The following TNS1 variants were observed in gnomAD, a reference collection of about 807,000 sequenced individuals.
TNS1 encodes tensin 1.
A neutral mutation model predicts 168.6 loss-of-function variants in TNS1; 62 were observed. The ratio of observed to expected loss-of-function variants is 0.37; its 90% CI spans 0.30 to 0.45. The LOEUF (loss-of-function observed/expected upper bound fraction) is 0.45. Among genes scored for constraint, TNS1 ranks in the 20% least tolerant of loss-of-function variants. The pLI is 1.00. For missense variants in TNS1, 2,240 were observed against 2,339.4 expected, an observed-to-expected ratio of 0.96 and a Z score of 0.88; for synonymous variants, 934 against 933.2, an observed-to-expected ratio of 1.00 and a Z score of -0.02.
At chr2:217,998,739 A>G (rs1369887317) in intron 1 of TNS1, among the ~76,000 whole-genome samples, 1 of 152,114 alleles carries the variant, frequency 6.6e-6, no homozygotes, top group Non-Finnish European at 1.5e-5. Context: ...GGCTCAGGAA[A>G]TCCTCCCTCC....
intron 18 of TNS1, among the ~76,000 whole-genome samples, chr2:217,869,484 G>A (rs547377188): frequency 6.6e-6 from 1 of 152,300 alleles, no homozygotes; most frequent in East Asian, 1.9e-4. Flanking sequence ...GGAGCCTGAA[G>A]GCAAGAAGGC....
chr2:217,804,824 G>C (rs540170038), intron 32 of TNS1, among the ~76,000 whole-genome samples: 37 of 152,250 alleles, frequency 2.4e-4, no homozygotes, highest in African/African-American at 8.4e-4. Context: ...CTTGTTTAAG[G>C]GTGGGCAGAA....
intron 3 of TNS1, among the ~76,000 whole-genome samples, chr2:217,923,696 T>C (rs1955856649): frequency 6.6e-6 from 1 of 152,258 alleles, no homozygotes; most frequent in African/African-American, 2.4e-5. Flanking sequence ...GCTTAGTTAC[T>C]GTACCAAGCC....
intron 6 of TNS1, 67 bp downstream of exon 6, chr2:217,906,268 C>T: frequency 1.5e-6 from 1 of 651,602 alleles, no homozygotes. Context: ...ATCCACCTCC[C>T]ACCCCACCCC....
chr2:218,002,785 G>A, intron 1 of TNS1, 55 bp downstream of exon 1: 1 of 456,378 alleles, frequency 2.2e-6, no homozygotes. Flanking sequence ...AGGGGCCGGT[G>A]GGGGGCGGGG....
intron 3 of TNS1, among the ~76,000 whole-genome samples, chr2:217,976,562 T>A (rs148219774): frequency 1.2e-3 from 179 of 152,330 alleles, no homozygotes; most frequent in African/African-American, 3.9e-3. Context: ...CCCCACTTAG[T>A]TGGCCTCCTT....
Position 217,893,007 on chromosome 2 carries a change from G to A in TNS1, c.723C>T (p.Asn241=), listed in dbSNP as rs755932586. 29 of 1,614,062 alleles carry A rather than the reference G, an allele frequency of 1.8e-5. No individual in the cohort carries two copies. The highest frequency in any genetic ancestry group is 2.4e-5 in the Non-Finnish European group (28 of 1,180,022). ...HNVVVLHNKG[N]RGRIGVVIAA... is the part of the protein sequence containing the mutation. ...CGATGACAACTCCTATCCTGCCTCG[G>A]TTTCCCTGAAAGAGCCCCAAACACA... Residue 241 remains asparagine, a synonymous_variant, in exon 11 of 33, where the codon AAC becomes AAT. Transcript: ENST00000682258.
intron 19 of TNS1, among the ~76,000 whole-genome samples, chr2:217,838,082 G>C (rs531723418): frequency 6.6e-6 from 1 of 152,364 alleles, no homozygotes; most frequent in South Asian, 2.1e-4. Context: ...CGCTCTTGGG[G>C]TTTGGAACTC....
In TNS1 at chr2:217,848,807, A is replaced by T. The variant is rs1362898445; in HGVS notation, c.1710T>A (p.Ser570Arg). The change falls in exon 19 of 33, where the codon AGT becomes AGA. Residue 570 changes from serine to arginine, a missense_variant. Coordinates refer to ENST00000682258, the MANE Select transcript of TNS1 (RefSeq NM_001387777.1). ...QEKRELDRLLSGFGLEREKQG... is the reference protein window; with the variant it reads ...QEKRELDRLLRGFGLEREKQG... ...GCTTCTCTCGCTCTAAGCCAAAGCC[A>T]CTCAGCAGGCGGTCCAGCTCCCGCT... 6.2e-7 allele frequency: 1 copy of T among 1,613,872 alleles called. No individual in the cohort carries two copies.
chr2:217,998,757 C>T (rs1958512100), intron 1 of TNS1, among the ~76,000 whole-genome samples: 1 of 152,202 alleles, frequency 6.6e-6, no homozygotes, highest in Admixed American at 6.5e-5. Context: ...TCCTTGGCCT[C>T]CCAAAGTGCT....
chr2:217,828,142 C>A (rs1011175337), intron 22 of TNS1, among the ~76,000 whole-genome samples: 1 of 152,212 alleles, frequency 6.6e-6, no homozygotes, highest in Admixed American at 6.5e-5. Context: ...AAGCCCTTTC[C>A]CCAAGCATGA....
At chr2:217,844,477 C>G (rs1187545671) in intron 19 of TNS1, among the ~76,000 whole-genome samples, 2 of 152,154 alleles carry the variant, frequency 1.3e-5, no homozygotes, top group Non-Finnish European at 1.5e-5. Context: ...GACTGTCACT[C>G]ACACAGACCA....
At chr2:217,999,166 T>C (rs1419449652) in intron 1 of TNS1, among the ~76,000 whole-genome samples, 1 of 152,166 alleles carries the variant, frequency 6.6e-6, no homozygotes, top group Non-Finnish European at 1.5e-5. Flanking sequence ...GGACCCCACA[T>C]GTCCTGCCCC....
intron 27 of TNS1, 132 bp from the exon 28 acceptor site, chr2:217,812,577 G>T: frequency 1.5e-6 from 1 of 677,472 alleles, no homozygotes; most frequent in African/African-American, 1.8e-5. Context: ...CACCACCAAA[G>T]CTGAAAATTC....
rs143053944 is a variant in TNS1, at chr2:217,849,049, G to A, written c.1468C>T (p.Leu490=). Residue 490 remains leucine (L), a synonymous_variant, in exon 19 of 33, where the codon CTG becomes TTG. Coordinates refer to ENST00000682258, the MANE Select transcript of TNS1 (RefSeq NM_001387777.1). ...GHTQGPLDGS[L]YAKVKKKDSL... Reference sequence around the variant, plus strand: ...TCTTTCTTCTTCACCTTAGCATACAGGCTCCCATCTAGTGGCCCCTGCGTG... The same window carrying A: ...TCTTTCTTCTTCACCTTAGCATACAAGCTCCCATCTAGTGGCCCCTGCGTG... The A allele has an allele frequency of 6.8e-6, 11 of 1,613,400 alleles. No homozygotes were observed. The African/African-American group carries it at 1.3e-4, about 20-fold the overall frequency.
intron 22 of TNS1, among the ~76,000 whole-genome samples, chr2:217,826,419 C>T (rs1044895995): frequency 1.3e-5 from 2 of 152,134 alleles, no homozygotes; most frequent in Non-Finnish European, 2.9e-5. Context: ...CAAGCTCTCC[C>T]CTCACCCACC....
chr2:217,856,342 G>A (rs895788313), intron 18 of TNS1, among the ~76,000 whole-genome samples: 2 of 152,180 alleles, frequency 1.3e-5, no homozygotes, highest in Non-Finnish European at 2.9e-5. Flanking sequence ...GGAAGACCCC[G>A]ACCTCCTGAA....
At chr2:218,020,942 A>G (rs2106009038) in intron 1 of TNS1, among the ~76,000 whole-genome samples, 1 of 152,366 alleles carries the variant, frequency 6.6e-6, no homozygotes, top group East Asian at 1.9e-4. Context: ...AAGATAAGCA[A>G]CCATTTACGT....
At chr2:217,884,325 G>T (rs1950986715) in intron 16 of TNS1, among the ~76,000 whole-genome samples, 1 of 151,554 alleles carries the variant, frequency 6.6e-6, no homozygotes, top group African/African-American at 2.4e-5. Context: ...ATGGATGAAT[G>T]GATGGATGGA....
Sources: gnomAD v4.1 joint callset for allele counts (sites outside exome capture counted in the v4.1 genomes callset) on GRCh38, gnomAD v4.1.1 for gene constraint, MANE v1.5 for transcripts, NCBI Gene and HGNC (gene_info 2026-07-23, HGNC 2026-07-21) for gene names.